Variants in DACH2 observed in about 807,000 individuals in gnomAD.
The protein encoded by DACH2 is dachshund homolog 2.
Under a neutral mutation model 35.8 loss-of-function variants are expected in DACH2, and 17 were observed. That is an observed-to-expected ratio of 0.48 (90% CI 0.33 to 0.71). The LOEUF is 0.71. DACH2 is among the 30% of genes least tolerant of loss of function. The pLI is 0.02. For synonymous variants in DACH2, 195 were observed against 177.3 expected (o/e 1.10, Z -0.79); for missense variants, 469 against 472.7 (o/e 0.99, Z 0.07).
chrX:86,630,212 A>G (rs1277081720), intron 3 of DACH2, among the ~76,000 whole-genome samples: 4 of 110,691 alleles, frequency 3.6e-5, no homozygotes, highest in African/African-American at 1.3e-4. Flanking sequence ...AAAAACTGCC[A>G]TTAAAAAAAC....
At chrX:86,387,101 AC>A (rs1338898827) in intron 2 of DACH2, among the ~76,000 whole-genome samples, 2 of 111,218 alleles carry the variant, frequency 1.8e-5, no homozygotes, top group Admixed American at 1.9e-4. Context: ...ATGCTATGTA[AC>A]TCCAAGATAC....
At chrX:86,611,467 C>T (rs932794347) in intron 3 of DACH2, among the ~76,000 whole-genome samples, 1 of 110,986 alleles carries the variant, frequency 9.0e-6, no homozygotes, top group Non-Finnish European at 1.9e-5. Context: ...GCTTTGAGCC[C>T]AGCTCTGCAC....
chrX:86,370,917 A>C (rs1449101947), intron 1 of DACH2, among the ~76,000 whole-genome samples: 2 of 111,413 alleles, frequency 1.8e-5, no homozygotes, highest in African/African-American at 6.5e-5. Flanking sequence ...ATGTTGAAAC[A>C]CTTATTGTTG....
At chrX:86,349,346 C>T (rs745660583) in intron 1 of DACH2, among the ~76,000 whole-genome samples, 56 of 111,965 alleles carry the variant, frequency 5.0e-4, no homozygotes, top group Non-Finnish European at 1.0e-3. Context: ...TGCTCTTCCA[C>T]CTGTGTGTTC....
chrX:86,635,195 G>C (rs1055236848), intron 3 of DACH2, among the ~76,000 whole-genome samples: 5 of 110,724 alleles, frequency 4.5e-5, no homozygotes, highest in African/African-American at 1.6e-4. Flanking sequence ...TTATTCCTGG[G>C]ATGCAAGGTT....
At chrX:86,215,716 T>G (rs748714472) in intron 1 of DACH2, among the ~76,000 whole-genome samples, 2 of 111,673 alleles carry the variant, frequency 1.8e-5, no homozygotes, top group Non-Finnish European at 3.8e-5. Flanking sequence ...GCACAAATGC[T>G]AGGGTCTTGT....
At chrX:86,370,197 G>A (rs1186269096) in intron 1 of DACH2, among the ~76,000 whole-genome samples, 1 of 111,080 alleles carries the variant, frequency 9.0e-6, no homozygotes, top group African/African-American at 3.3e-5. Flanking sequence ...TGCTAGGAAG[G>A]AAACATCATT....
chrX:86,375,549 T>C (rs1293874687), intron 1 of DACH2, among the ~76,000 whole-genome samples: 1 of 106,508 alleles, frequency 9.4e-6, no homozygotes, highest in African/African-American at 3.4e-5. Context: ...TAAGGAAGGA[T>C]GCATTATCAC....
chrX:86,523,175 C>G (rs1260549096), intron 3 of DACH2, among the ~76,000 whole-genome samples: 1 of 111,594 alleles, frequency 9.0e-6, no homozygotes, highest in African/African-American at 3.3e-5. Flanking sequence ...TAACTAAGCC[C>G]ATGAAGATTC....
chrX:86,500,710 G>T (rs764818264), intron 2 of DACH2, among the ~76,000 whole-genome samples: 1 of 111,679 alleles, frequency 9.0e-6, no homozygotes, highest in African/African-American at 3.3e-5. Flanking sequence ...AGCACCTGGA[G>T]TGTGGAGGAA....
At chrX:86,271,397 G>A (rs2033811092) in intron 1 of DACH2, among the ~76,000 whole-genome samples, 1 of 112,208 alleles carries the variant, frequency 8.9e-6, no homozygotes, top group African/African-American at 3.2e-5. Context: ...TCTGTACACA[G>A]AATATTATAA....
chrX:86,738,500 A>G (rs758414636), intron 6 of DACH2, among the ~76,000 whole-genome samples: 39 of 112,031 alleles, frequency 3.5e-4, no homozygotes, highest in Non-Finnish European at 5.8e-4. Context: ...AATTGAAGAA[A>G]TTTATTATGG....
chrX:86,693,730 A>G (rs1226050048), intron 4 of DACH2, among the ~76,000 whole-genome samples: 1 of 112,297 alleles, frequency 8.9e-6, no homozygotes, highest in Non-Finnish European at 1.9e-5. Context: ...CTTTGACTCA[A>G]ATTCCACTCA....
chrX:86,153,086 A>G (rs1289684048), intron 1 of DACH2, among the ~76,000 whole-genome samples: 1 of 111,733 alleles, frequency 8.9e-6, no homozygotes, highest in East Asian at 2.8e-4. Context: ...ATATTGTCAG[A>G]TTTCATGACC....
chrX:86,693,967 A>G (rs1223731469), intron 4 of DACH2, among the ~76,000 whole-genome samples: 1 of 97,820 alleles, frequency 1.0e-5, no homozygotes, highest in Non-Finnish European at 2.0e-5. Context: ...AATGTTGCGG[A>G]TATGAGTATG....
intron 2 of DACH2, among the ~76,000 whole-genome samples, chrX:86,424,320 G>A (rs1406091870): frequency 9.0e-6 from 1 of 111,014 alleles, no homozygotes; most frequent in East Asian, 2.8e-4. Flanking sequence ...CCATGAAAAT[G>A]AAATATTTTT....
chrX:86,763,947 G>T (rs2041908191), intron 7 of DACH2, among the ~76,000 whole-genome samples: 2 of 111,817 alleles, frequency 1.8e-5, no homozygotes, highest in Admixed American at 9.5e-5. Flanking sequence ...ACACCAAAAT[G>T]CTAACAGTAA....
intron 3 of DACH2, among the ~76,000 whole-genome samples, chrX:86,524,011 C>T (rs192390731): frequency 6.6e-4 from 74 of 112,391 alleles, no homozygotes; most frequent in African/African-American, 2.2e-3. Flanking sequence ...GAACTATTAT[C>T]ATCCTTGTTT....
chrX:86,326,328 A>C (rs2148043341), intron 1 of DACH2, among the ~76,000 whole-genome samples: 1 of 110,042 alleles, frequency 9.1e-6, no homozygotes. Context: ...TTAGCTGGGC[A>C]TAGTGGCAGC....
Sources: gnomAD v4.1 joint callset for allele counts (sites outside exome capture counted in the v4.1 genomes callset) on GRCh38, gnomAD v4.1.1 for gene constraint, MANE v1.5 for transcripts, NCBI Gene and HGNC (gene_info 2026-07-23, HGNC 2026-07-21) for gene names.